ARSG: variants seen among roughly 807,000 people sequenced by gnomAD.
The protein encoded by ARSG is ASG.
A neutral mutation model predicts 50.5 loss-of-function variants in ARSG; 37 were observed. That is an observed-to-expected ratio of 0.73 (90% CI 0.56 to 0.96). The LOEUF (loss-of-function observed/expected upper bound fraction) is 0.96, where lower values mean the gene tolerates loss of function less well. Among genes scored for constraint, ARSG ranks in the 50% least tolerant of loss-of-function variants. ARSG has a pLI of 0.00. For synonymous variants in ARSG, 225 were observed against 254.6 expected (o/e 0.88, Z 1.11); for missense variants, 629 against 675.3 (o/e 0.93, Z 0.76).
At chr17:68,401,696 T>TAAAC (rs1322077887) in intron 11 of ARSG, among the ~76,000 whole-genome samples, 15 of 152,260 alleles carry the variant, frequency 9.9e-5, no homozygotes, top group African/African-American at 3.4e-4. Flanking sequence ...TCAGCACGTT[T>TAAAC]ATTCAGCTCC....
chr17:68,429,925 G>GA, the ARSG span: 1 of 1,599,430 alleles, frequency 6.3e-7, no homozygotes, highest in Non-Finnish European at 8.5e-7. Flanking sequence ...CAGGTTTGGG[G>GA]ATTTTTGTGC....
the ARSG span, among the ~76,000 whole-genome samples, chr17:68,429,177 T>C: frequency 6.6e-6 from 1 of 151,914 alleles, no homozygotes; most frequent in East Asian, 1.9e-4. Context: ...GTGTAGATGC[T>C]GCGACCCTGC....
chr17:68,354,931 A>G (rs1490861905), intron 5 of ARSG, among the ~76,000 whole-genome samples: 1 of 152,164 alleles, frequency 6.6e-6, no homozygotes, highest in Non-Finnish European at 1.5e-5. Flanking sequence ...CATATCTCCT[A>G]TATTTCTGTA....
At chr17:68,295,673 T>A (rs2076178920) in intron 1 of ARSG, among the ~76,000 whole-genome samples, 1 of 85,862 alleles carries the variant, frequency 1.2e-5, no homozygotes, top group African/African-American at 8.2e-5. Flanking sequence ...TAAGACAAAT[T>A]TTTTTTTTTT....
At chr17:68,288,516 C>T (rs1048016948), upstream of ARSG, among the ~76,000 whole-genome samples, 1 of 152,072 alleles carries the variant, frequency 6.6e-6, no homozygotes, top group Non-Finnish European at 1.5e-5. Context: ...ACTGGTGAGG[C>T]GAGCTGAGTC....
At position 68,270,720 on chromosome 17, in the gene ARSG, C is replaced by T. The variant is rs780281360; in HGVS notation, c.-552+11294C>T. The T allele has an allele frequency of 3.2e-4, 274 of 854,136 alleles. 1 individual carries two copies. The highest frequency in any genetic ancestry group is 6.7e-4 in the Admixed American group (23 of 34,298). The allele number at this position is 854,136 out of a possible 1,614,324, so 52.9% of individuals were successfully genotyped here. A position where few individuals can be genotyped will look rare whatever the true frequency, so the allele number is the denominator to read the frequency against. ...TCAGGTAATCTCTAATCCCTGGCAG[C>T]TCTAAAATTCAATGGAAATATAAAA... On this transcript the variant is annotated intron_variant, in intron 1 of 11. Transcript: ENST00000448504.
At chr17:68,405,040 T>G (rs1414062549) in intron 11 of ARSG, among the ~76,000 whole-genome samples, 1 of 152,164 alleles carries the variant, frequency 6.6e-6, no homozygotes, top group Non-Finnish European at 1.5e-5. Context: ...ATTAGTTATA[T>G]GTCTATGTTT....
chr17:68,368,006 G>T (rs533314786), intron 6 of ARSG, among the ~76,000 whole-genome samples: 72 of 152,268 alleles, frequency 4.7e-4, no homozygotes, highest in African/African-American at 1.6e-3. Flanking sequence ...GGAGGCGGAA[G>T]TTGCAGTGTG....
At chr17:68,433,957 A>G in the ARSG span, among the ~76,000 whole-genome samples, 2 of 151,542 alleles carry the variant, frequency 1.3e-5, no homozygotes, top group Admixed American at 6.6e-5. Context: ...TAATTTTTGT[A>G]TTTTTAGTAG....
intron 11 of ARSG, among the ~76,000 whole-genome samples, chr17:68,412,853 C>T (rs1393773024): frequency 1.3e-5 from 2 of 152,022 alleles, no homozygotes; most frequent in Admixed American, 6.6e-5. Context: ...CTTCCCTTCT[C>T]GCTTCATTTC....
chr17:68,395,071 AG>A lies in ARSG; in HGVS notation c.1092-1del. The A allele has an allele frequency of 2.5e-6, 4 of 1,613,834 alleles. No homozygotes were observed. The highest frequency in any genetic ancestry group is 2.5e-6 in the Non-Finnish European group (3 of 1,179,808). On this transcript the variant is annotated splice_acceptor_variant, in intron 9 of 11. Coordinates refer to ENST00000621439, the MANE Select transcript of ARSG (RefSeq NM_001267727.2). LOFTEE classifies it high-confidence loss of function. ...GACAACTCAGTCTTGTTATTTCCGC[AG>A]CGTGCTGGACATTTTTCCAACTGTG...
chr17:68,365,503 C>G (rs72839370), intron 6 of ARSG, among the ~76,000 whole-genome samples: 7,860 of 152,232 alleles, frequency 0.052, 260 homozygotes, highest in East Asian at 0.11. Context: ...AGCCTGTGCT[C>G]TTCATCAGCC....
chr17:68,355,018 C>T (rs530227473), intron 5 of ARSG, among the ~76,000 whole-genome samples: 98 of 152,298 alleles, frequency 6.4e-4, no homozygotes, highest in Middle Eastern at 3.4e-3. Flanking sequence ...ATTAGGATGA[C>T]GTATTTGCCT....
At chr17:68,390,155 T>G (rs1212566190) in intron 9 of ARSG, among the ~76,000 whole-genome samples, 1 of 152,044 alleles carries the variant, frequency 6.6e-6, no homozygotes, top group Admixed American at 6.5e-5. Flanking sequence ...GCCCGGCTAA[T>G]TTTTGTCTTT....
At chr17:68,449,300 C>T in the ARSG span, among the ~76,000 whole-genome samples, 4 of 152,190 alleles carry the variant, frequency 2.6e-5, no homozygotes, top group East Asian at 1.9e-4. Flanking sequence ...TCTACCAGGT[C>T]GTATAATGGT....
chr17:68,442,050 A>G, the ARSG span, among the ~76,000 whole-genome samples: 2 of 152,328 alleles, frequency 1.3e-5, no homozygotes, highest in East Asian at 3.9e-4. Flanking sequence ...TGTCTCTAAC[A>G]GGGAACACAA....
At chr17:68,351,081 A>G (rs1022703240) in intron 4 of ARSG, among the ~76,000 whole-genome samples, 10 of 152,096 alleles carry the variant, frequency 6.6e-5, no homozygotes, top group Admixed American at 2.0e-4. Context: ...TTGTTGGCTC[A>G]CCTATTCATC....
At chr17:68,273,872 C>T (rs2075423140) in intron 1 of ARSG, 2 of 1,581,514 alleles carry the variant, frequency 1.3e-6, no homozygotes, top group Admixed American at 3.6e-5. Flanking sequence ...CTTCCCCTTC[C>T]TTGTTCTTCA....
chr17:68,341,068 C>G (rs1036959812), intron 2 of ARSG, among the ~76,000 whole-genome samples: 2 of 152,118 alleles, frequency 1.3e-5, no homozygotes, highest in African/African-American at 4.8e-5. Flanking sequence ...AATATTGCCA[C>G]CAGTGGAACA....
Sources: allele counts gnomAD v4.1 joint callset (sites outside exome capture counted in the v4.1 genomes callset), GRCh38; gene constraint gnomAD v4.1.1; transcripts MANE v1.5; gene names NCBI Gene and HGNC (gene_info 2026-07-23, HGNC 2026-07-21).